The following SWAP70 variants were observed in gnomAD, a reference collection of about 807,000 sequenced individuals.
The protein encoded by SWAP70 is switching B cell complex subunit SWAP70.
Under a neutral mutation model 80.2 loss-of-function variants are expected in SWAP70, and 34 were observed. The observed-to-expected ratio is 0.42, with a 90% CI of 0.32 to 0.56. The LOEUF (loss-of-function observed/expected upper bound fraction) is 0.56, where lower values mean the gene tolerates loss of function less well. SWAP70 is among the 20% of genes least tolerant of loss of function. SWAP70 has a pLI of 0.09. For synonymous variants in SWAP70, 239 were observed against 238.5 expected, an observed-to-expected ratio of 1.00 and a Z score of -0.02; for missense variants, 578 against 690.7, an observed-to-expected ratio of 0.84 and a Z score of 1.83.
chr11:9,706,338 C>T (rs1364816259), intron 2 of SWAP70, among the ~76,000 whole-genome samples: 1 of 149,318 alleles, frequency 6.7e-6, no homozygotes, highest in Non-Finnish European at 1.5e-5. Context: ...TCTGTGTATA[C>T]TTGGTGATCT....
At chr11:9,729,548 T>A in intron 6 of SWAP70, 97 bp downstream of exon 6, 1 of 844,406 alleles carries the variant, frequency 1.2e-6, no homozygotes, top group Non-Finnish European at 1.9e-6. Context: ...GCCCGGGCTG[T>A]AGTGCAGTGG....
intron 2 of SWAP70, chr11:9,703,333 G>A (rs1850857252): frequency 2.2e-6 from 1 of 456,032 alleles, no homozygotes; most frequent in African/African-American, 2.0e-5. Context: ...CAGTTCATCA[G>A]TTGTTGGACA....
At chr11:9,716,039 A>G (rs1483492410) in intron 3 of SWAP70, among the ~76,000 whole-genome samples, 2 of 152,220 alleles carry the variant, frequency 1.3e-5, no homozygotes, top group East Asian at 3.8e-4. Flanking sequence ...TTCCCCAGAC[A>G]TAAGAAAAGG....
chr11:9,714,513 C>T (rs1851039886), intron 3 of SWAP70, among the ~76,000 whole-genome samples: 1 of 152,162 alleles, frequency 6.6e-6, no homozygotes, highest in Non-Finnish European at 1.5e-5. Context: ...GAATAAACTT[C>T]CAGCAGTGGA....
At position 9,751,867 on chromosome 11, in the gene SWAP70, A is replaced by G. The variant is rs1229291463; in HGVS notation, c.*1897A>G. ...AGTGTATTGTCTAAAATATTTTTGTATCATGTGCCTTTGAAATTTGACAGC... is the reference window on the plus strand; with the variant it reads ...AGTGTATTGTCTAAAATATTTTTGTGTCATGTGCCTTTGAAATTTGACAGC... On this transcript the variant is annotated 3_prime_UTR_variant, in exon 12 of 12. Coordinates refer to ENST00000318950, the MANE Select transcript of SWAP70 (RefSeq NM_015055.4). 1 of 152,204 alleles carries G rather than the reference A, an allele frequency of 6.6e-6. No homozygotes were observed. Among genetic ancestry groups the G allele is most frequent in the Non-Finnish European group, 1.5e-5 (1 of 68,046 alleles). 9.4% of individuals were successfully genotyped at this position (152,204 alleles called of 1,614,324 possible).
chr11:9,698,992 A>T (rs1184045865), intron 2 of SWAP70, among the ~76,000 whole-genome samples: 6 of 150,300 alleles, frequency 4.0e-5, no homozygotes, highest in Admixed American at 3.9e-4. Context: ...GTGGTACATG[A>T]TCATGCTTTA....
At chr11:9,708,259 A>G (rs1180471047) in intron 2 of SWAP70, among the ~76,000 whole-genome samples, 2 of 152,214 alleles carry the variant, frequency 1.3e-5, no homozygotes, top group African/African-American at 2.4e-5. Context: ...AATCCCACCA[A>G]CAGTGTGCAA....
At chr11:9,744,683 G>A (rs1290667117) in intron 9 of SWAP70, among the ~76,000 whole-genome samples, 3 of 152,092 alleles carry the variant, frequency 2.0e-5, no homozygotes, top group Non-Finnish European at 4.4e-5. Flanking sequence ...TGAGGCGGGC[G>A]GATCCCTTGA....
Position 9,732,593 on chromosome 11 carries a change from G to A in SWAP70, c.963G>A (p.Gln321=), listed in dbSNP as rs1851313063. 4 of 1,602,832 alleles carry A rather than the reference G, an allele frequency of 2.5e-6. No homozygotes were observed. Among genetic ancestry groups the A allele is most frequent in the Non-Finnish European group, 2.6e-6 (3 of 1,173,476 alleles). The part of the protein sequence containing the change: ...GSPPPHKEAR[Q]RRKELRKKQL... ...CTCCACCACACAAAGAAGCCCGCCA[G>A]CGTCGGAAAGAACTCCGGAAGAAGC... Residue 321 remains glutamine (Q), a synonymous_variant, in exon 7 of 12, where the codon CAG becomes CAA. Transcript: ENST00000318950.
chr11:9,724,891 A>G lies in SWAP70; in HGVS notation c.642+6A>G. ...TATTAGATGTGTTAAAGCAGGTAAG[A>G]ATTCTGTTACTGTTTTTTTTTCTCA... On this transcript the variant is annotated splice_donor_region_variant and intron_variant, in intron 4 of 11. Coordinates refer to ENST00000318950, the MANE Select transcript of SWAP70 (RefSeq NM_015055.4). The G allele has an allele frequency of 6.5e-7, 1 of 1,534,902 alleles. No individual in the cohort carries two copies. The highest frequency in any genetic ancestry group is 1.4e-5 in the African/African-American group (1 of 72,408).
intron 9 of SWAP70, among the ~76,000 whole-genome samples, chr11:9,744,631 G>A (rs997818061): frequency 1.3e-5 from 2 of 152,130 alleles, no homozygotes; most frequent in African/African-American, 2.4e-5. Context: ...GTTATTGGCC[G>A]GACATGGTGG....
At chr11:9,744,616 C>G (rs1851487065) in intron 9 of SWAP70, among the ~76,000 whole-genome samples, 1 of 152,088 alleles carries the variant, frequency 6.6e-6, no homozygotes, top group Non-Finnish European at 1.5e-5. Flanking sequence ...ATGTAGAATA[C>G]TCAAGTTATT....
At chr11:9,730,286 C>G (rs183004849) in intron 6 of SWAP70, among the ~76,000 whole-genome samples, 1 of 145,490 alleles carries the variant, frequency 6.9e-6, no homozygotes, top group African/African-American at 2.6e-5. Context: ...GTTGGGAGAT[C>G]GAGACCATCC....
At position 9,713,628 on chromosome 11, in the gene SWAP70, G is replaced by C. The variant is rs1565124122; in HGVS notation, c.403G>C (p.Val135Leu). Residue 135 changes from valine to leucine, a missense_variant, in exon 3 of 12, where the codon GTG (valine) becomes CTG (leucine). By Grantham distance (32) the Val-to-Leu change is conservative. Transcript: ENST00000318950. ...TGAGGACAAGTATCCATTAATTATT[G>C]TGTCAGAAGAGGTAAGGTGTGGCTT... ...LSEDKYPLII[V>L]SEEIEYLLKK... The C allele has an allele frequency of 6.2e-7, 1 of 1,612,952 alleles. No individual in the cohort carries two copies. Among genetic ancestry groups the C allele is most frequent in the Non-Finnish European group, 8.5e-7 (1 of 1,179,648 alleles).
intron 1 of SWAP70, among the ~76,000 whole-genome samples, chr11:9,678,937 C>T (rs1405890368): frequency 1.3e-5 from 2 of 152,128 alleles, no homozygotes; most frequent in Non-Finnish European, 2.9e-5. Context: ...CCCAAGACTG[C>T]GTTTCATGAA....
intron 1 of SWAP70, among the ~76,000 whole-genome samples, chr11:9,672,939 G>GT: frequency 6.6e-6 from 1 of 152,182 alleles, no homozygotes; most frequent in African/African-American, 2.4e-5. Flanking sequence ...CACACAAACT[G>GT]TTTTTTTCTC....
chr11:9,670,435 A>C (rs1850361357), intron 1 of SWAP70, among the ~76,000 whole-genome samples: 2 of 152,134 alleles, frequency 1.3e-5, no homozygotes, highest in Non-Finnish European at 2.9e-5. Context: ...TGAACACGAA[A>C]AGTTTTTTTT....
intron 7 of SWAP70, among the ~76,000 whole-genome samples, chr11:9,737,940 G>A (rs1851384443): frequency 6.6e-6 from 1 of 152,174 alleles, no homozygotes; most frequent in Non-Finnish European, 1.5e-5. Context: ...GCAATCCCAA[G>A]TGAATTTAAT....
At chr11:9,717,585 T>A (rs1851082126) in intron 3 of SWAP70, among the ~76,000 whole-genome samples, 1 of 147,312 alleles carries the variant, frequency 6.8e-6, no homozygotes, top group Non-Finnish European at 1.5e-5. Flanking sequence ...GCCTGGGAGG[T>A]GGAGCTTGCA....
Sources: allele counts gnomAD v4.1 joint callset (sites outside exome capture counted in the v4.1 genomes callset), GRCh38; gene constraint gnomAD v4.1.1; transcripts MANE v1.5; gene names NCBI Gene and HGNC (gene_info 2026-07-23, HGNC 2026-07-21).